Variants in EYA2 observed in about 807,000 individuals in gnomAD.
EYA2 encodes the protein EYA transcriptional coactivator and phosphatase 2.
In EYA2, 31 loss-of-function variants were observed where a neutral mutation model predicts 69.2. The observed-to-expected ratio is 0.45, with a 90% confidence interval of 0.34 to 0.60. EYA2 has a LOEUF of 0.60. EYA2 is among the 20% of genes least tolerant of loss of function. The pLI is 0.02. For synonymous variants in EYA2, 257 were observed against 279.4 expected, an observed-to-expected ratio of 0.92 and a Z score of 0.80; for missense variants, 622 against 701.2, an observed-to-expected ratio of 0.89 and a Z score of 1.28.
rs931663297 is a variant in EYA2 at position 47,145,224 on chromosome 20, G to A, written c.978+2076G>A. On this transcript the variant is annotated intron_variant, in intron 10 of 15. Coordinates refer to ENST00000327619, the MANE Select transcript of EYA2 (RefSeq NM_005244.5). ...CAAGTGATGGGGATGGAGGAGGGTT[G>A]GGGGGCAGCATTCTTGAGGGGGCCG... 8.5e-5 allele frequency among the ~76,000 whole-genome samples: 13 copies of A among 152,154 alleles called. No homozygotes were observed. The East Asian group carries it at 1.9e-3, about 23-fold the overall frequency.
rs2030053283 is a variant in EYA2, at chr20:47,046,620, C to G, written c.416-25565C>G. On this transcript the variant is annotated intron_variant, in intron 5 of 15. Coordinates refer to ENST00000327619, the MANE Select transcript of EYA2 (RefSeq NM_005244.5). ...TAGGGGGGTGGGCTGGGTCCAAGCC[C>G]TCCTAGCCAAGCGTGTATGGATTTC... Among the ~76,000 whole-genome samples, 3 of 152,132 alleles carry G rather than the reference C, an allele frequency of 2.0e-5. No individual in the cohort carries two copies. In the South Asian group the frequency reaches 6.2e-4, roughly 32 times the overall value.
At chr20:46,971,528 A>G (rs564824258) in intron 1 of EYA2, among the ~76,000 whole-genome samples, 2 of 152,322 alleles carry the variant, frequency 1.3e-5, no homozygotes, top group South Asian at 4.1e-4. Flanking sequence ...ACTGCAAGGG[A>G]ACCTGGGAAA....
chr20:47,119,186 C>T (rs1432821003), intron 9 of EYA2, among the ~76,000 whole-genome samples: 1 of 152,204 alleles, frequency 6.6e-6, no homozygotes, highest in African/African-American at 2.4e-5. Flanking sequence ...GTTCTTCCAG[C>T]GTCCAAAGAT....
chr20:47,111,057 T>A (rs1334439768), intron 9 of EYA2, among the ~76,000 whole-genome samples: 1 of 152,240 alleles, frequency 6.6e-6, no homozygotes, highest in East Asian at 1.9e-4. Flanking sequence ...AATAATAATT[T>A]TCCTTCATAG....
chr20:47,164,924 C>T (rs775346732), intron 10 of EYA2, among the ~76,000 whole-genome samples: 1 of 152,090 alleles, frequency 6.6e-6, no homozygotes, highest in African/African-American at 2.4e-5. Flanking sequence ...GCAGGCTCTT[C>T]CCTAACTGAA....
At chr20:46,957,829 T>TA (rs1211369346) in intron 1 of EYA2, among the ~76,000 whole-genome samples, 1 of 152,188 alleles carries the variant, frequency 6.6e-6, no homozygotes, top group Non-Finnish European at 1.5e-5. Flanking sequence ...GCTTCTTTCT[T>TA]ACAGCAGCCA....
intron 4 of EYA2, among the ~76,000 whole-genome samples, chr20:47,013,465 A>G (rs1443972235): frequency 6.6e-6 from 1 of 151,330 alleles, no homozygotes; most frequent in African/African-American, 2.4e-5. Flanking sequence ...AGAGGCAGCA[A>G]CTTTTGTCTT....
At chr20:46,978,974 C>T (rs1005546238) in intron 1 of EYA2, among the ~76,000 whole-genome samples, 15 of 152,228 alleles carry the variant, frequency 9.9e-5, no homozygotes, top group African/African-American at 3.6e-4. Flanking sequence ...CTGTCAGAGA[C>T]GTCCAGGTTT....
In EYA2 at chr20:47,089,369, C is replaced by T. The variant is rs1159770992; in HGVS notation, c.792C>T (p.Asp264=). ...GCAGTGACCCGTCCCCGGCAGGGGA[C>T]AATGAGATTGAGGTAATCCAAAGGG... is the stretch of plus-strand genomic sequence containing the variant. The part of the protein sequence containing the change: ...KRSSDPSPAG[D]NEIERVFVWD... The change falls in exon 8 of 16, where the codon GAC becomes GAT. Residue 264 remains aspartate, a synonymous_variant. Coordinates refer to ENST00000327619, the MANE Select transcript of EYA2 (RefSeq NM_005244.5). 2 of 1,613,402 alleles carry T rather than the reference C, an allele frequency of 1.2e-6. No homozygotes were observed. Among genetic ancestry groups the T allele is most frequent in the Non-Finnish European group, 1.7e-6 (2 of 1,179,742 alleles).
At chr20:46,914,125 G>A (rs538403146) in intron 1 of EYA2, among the ~76,000 whole-genome samples, 2 of 152,290 alleles carry the variant, frequency 1.3e-5, no homozygotes, top group African/African-American at 2.4e-5. Flanking sequence ...CCTCTCCCTC[G>A]TTCCTAAAGA....
At chr20:47,081,778 CA>C (rs199527518) in intron 7 of EYA2, among the ~76,000 whole-genome samples, 67,149 of 109,998 alleles carry the variant, frequency 0.61, 17,029 homozygotes, top group Middle Eastern at 0.71. Flanking sequence ...GACCTTGTCT[CA>C]AAAAAAAAAA....
intron 5 of EYA2, among the ~76,000 whole-genome samples, chr20:47,065,411 G>A (rs2031071994): frequency 6.6e-6 from 1 of 152,092 alleles, no homozygotes; most frequent in African/African-American, 2.4e-5. Context: ...CCCTGGGAGT[G>A]GAGCAAAAAC....
At chr20:47,172,664 A>AC (rs1568825999) in intron 11 of EYA2, 43 bp from the exon 12 acceptor site, 3 of 1,547,392 alleles carry the variant, frequency 1.9e-6, no homozygotes, top group Middle Eastern at 2.4e-4. Flanking sequence ...GATGCCCTGC[A>AC]CCCCCCTGCA....
chr20:46,951,059 T>C (rs1188197057), intron 1 of EYA2, among the ~76,000 whole-genome samples: 1 of 152,152 alleles, frequency 6.6e-6, no homozygotes, highest in African/African-American at 2.4e-5. Context: ...AGGTAAAACA[T>C]TGCACTTGCT....
intron 2 of EYA2, among the ~76,000 whole-genome samples, chr20:46,997,053 C>G (rs1982070692): frequency 6.6e-6 from 1 of 152,146 alleles, no homozygotes; most frequent in Non-Finnish European, 1.5e-5. Flanking sequence ...CCCTTTCCCC[C>G]CACAAAGCGG....
intron 10 of EYA2, among the ~76,000 whole-genome samples, chr20:47,145,879 C>T (rs549082842): frequency 1.3e-5 from 2 of 149,624 alleles, no homozygotes; most frequent in Non-Finnish European, 1.5e-5. Context: ...CCAGCCTGGG[C>T]GACAGATTGA....
intron 3 of EYA2, among the ~76,000 whole-genome samples, chr20:47,002,431 T>C (rs771880988): frequency 1.4e-4 from 21 of 152,172 alleles, no homozygotes; most frequent in Non-Finnish European, 2.9e-4. Flanking sequence ...TGTTCAGCTC[T>C]CACTTGTAAG....
chr20:46,993,260 C>G (rs1170638325), intron 2 of EYA2, among the ~76,000 whole-genome samples: 3 of 152,200 alleles, frequency 2.0e-5, no homozygotes, highest in Non-Finnish European at 4.4e-5. Context: ...AAGTATAGAA[C>G]AAGATCTGAA....
chr20:47,128,573 T>C (rs889451808), intron 9 of EYA2, among the ~76,000 whole-genome samples: 6 of 152,234 alleles, frequency 3.9e-5, no homozygotes, highest in Admixed American at 6.5e-5. Flanking sequence ...AGCTTTTTTT[T>C]CCTAATAAAT....
Sources: gnomAD v4.1 joint callset for allele counts (sites outside exome capture counted in the v4.1 genomes callset) on GRCh38, gnomAD v4.1.1 for gene constraint, MANE v1.5 for transcripts, NCBI Gene and HGNC (gene_info 2026-07-23, HGNC 2026-07-21) for gene names.